MECOM: variants seen among roughly 807,000 people sequenced by gnomAD.
MECOM encodes the protein histone-lysine N-methyltransferase MECOM.
Under a neutral mutation model 116.3 loss-of-function variants are expected in MECOM, and 13 were observed. The observed-to-expected ratio is 0.11, with a 90% CI of 0.07 to 0.18. The LOEUF is 0.18. Among genes scored for constraint, MECOM ranks in the 10% least tolerant of loss-of-function variants. The pLI is 1.00. For missense variants in MECOM, 1,299 were observed against 1,509.0 expected (o/e 0.86, Z 2.31); for synonymous variants, 528 against 535.2 (o/e 0.99, Z 0.19).
chr3:169,472,538 G>GA (rs1749566806), intron 1 of MECOM, among the ~76,000 whole-genome samples: 20 of 48,704 alleles, frequency 4.1e-4, no homozygotes, highest in Non-Finnish European at 5.1e-4. Flanking sequence ...AAAAGAAAAG[G>GA]AAAGGAAAGG....
chr3:169,347,132 ATAC>A (rs1464992899), intron 2 of MECOM, among the ~76,000 whole-genome samples: 1 of 152,064 alleles, frequency 6.6e-6, no homozygotes, highest in African/African-American at 2.4e-5. Context: ...TACTCAGTCT[ATAC>A]TAATGTAAAA....
At chr3:169,217,407 T>C (rs1384847044) in intron 2 of MECOM, among the ~76,000 whole-genome samples, 1 of 152,196 alleles carries the variant, frequency 6.6e-6, no homozygotes, top group African/African-American at 2.4e-5. Context: ...TTCAGAAAGA[T>C]TTTTAAAAAG....
At chr3:169,349,804 A>G (rs903523117) in intron 2 of MECOM, among the ~76,000 whole-genome samples, 1 of 151,958 alleles carries the variant, frequency 6.6e-6, no homozygotes, top group Non-Finnish European at 1.5e-5. Context: ...GCCAATGAAT[A>G]TGAGACAGGG....
At chr3:169,293,021 A>G (rs2149699420) in intron 2 of MECOM, among the ~76,000 whole-genome samples, 1 of 152,182 alleles carries the variant, frequency 6.6e-6, no homozygotes, top group Admixed American at 6.5e-5. Flanking sequence ...CTTATCCAAG[A>G]CCTCAGCTCC....
At chr3:169,348,629 G>T (rs1004075490) in intron 2 of MECOM, among the ~76,000 whole-genome samples, 1 of 151,952 alleles carries the variant, frequency 6.6e-6, no homozygotes, top group Non-Finnish European at 1.5e-5. Flanking sequence ...TTTCATAAGA[G>T]AAGTAAACAT....
At position 169,472,536 on chromosome 3, in the gene MECOM, AGGAAAG is replaced by A. The variant is rs1332667595; in HGVS notation, c.38-91018_38-91013del. Among the ~76,000 whole-genome samples the A allele has an allele frequency of 7.5e-3, 567 of 75,280 alleles. 9 individuals carry two copies. The highest frequency in any genetic ancestry group is 0.02 in the African/African-American group (273 of 13,552). The allele number at this position is 75,280 out of a possible 152,430, so 49.4% of individuals were successfully genotyped here. On this transcript the variant is annotated intron_variant, in intron 1 of 16. Coordinates refer to ENST00000651503, the MANE Select transcript of MECOM (RefSeq NM_004991.4). ...AGGAAAGGAAAGAAAAGAAAAGAAAAGGAAAGGAAAGGAAAAGAAAAGAGAGGAGAG... is the reference window on the plus strand; with the variant it reads ...AGGAAAGGAAAGAAAAGAAAAGAAAAGAAAGGAAAAGAAAAGAGAGGAGAG...
intron 1 of MECOM, among the ~76,000 whole-genome samples, chr3:169,432,075 C>G (rs577540631): frequency 5.3e-5 from 8 of 151,568 alleles, no homozygotes; most frequent in Non-Finnish European, 1.2e-4. Flanking sequence ...GACAACAGTT[C>G]GAGACCTAGT....
intron 1 of MECOM, among the ~76,000 whole-genome samples, chr3:169,526,728 A>ATGTTT (rs1158545979): frequency 6.6e-6 from 1 of 152,060 alleles, no homozygotes; most frequent in Non-Finnish European, 1.5e-5. Context: ...AACTTGTATG[A>ATGTTT]ATATGTGAGT....
At chr3:169,426,481 G>A (rs1161780209) in intron 1 of MECOM, among the ~76,000 whole-genome samples, 2 of 152,186 alleles carry the variant, frequency 1.3e-5, no homozygotes, top group African/African-American at 4.8e-5. Context: ...GCATCGCTGT[G>A]CTCATAGGAG....
intron 2 of MECOM, among the ~76,000 whole-genome samples, chr3:169,227,619 T>C (rs1752894828): frequency 6.6e-6 from 1 of 152,192 alleles, no homozygotes; most frequent in African/African-American, 2.4e-5. Context: ...AGCTAAACCT[T>C]TGCCTTTCCT....
At chr3:169,577,601 T>C (rs1764668699) in intron 1 of MECOM, among the ~76,000 whole-genome samples, 1 of 152,028 alleles carries the variant, frequency 6.6e-6, no homozygotes, top group Non-Finnish European at 1.5e-5. Flanking sequence ...TTAGGCCCCA[T>C]GGAGGTGTTA....
At chr3:169,184,714 C>G (rs1746477471) in intron 2 of MECOM, among the ~76,000 whole-genome samples, 1 of 152,024 alleles carries the variant, frequency 6.6e-6, no homozygotes, top group East Asian at 1.9e-4. Flanking sequence ...CTGCTATGGA[C>G]AACAGGGAGC....
intron 1 of MECOM, among the ~76,000 whole-genome samples, chr3:169,497,357 T>C: frequency 6.6e-6 from 1 of 152,036 alleles, no homozygotes. Context: ...TCTTTTTTTT[T>C]TCTTTTGAGA....
intron 1 of MECOM, among the ~76,000 whole-genome samples, chr3:169,519,851 C>A (rs192707353): frequency 8.5e-5 from 13 of 152,242 alleles, no homozygotes; most frequent in African/African-American, 1.4e-4. Context: ...GATAACCCCC[C>A]CTTGCCCATT....
chr3:169,112,587 C>T (rs924765300), intron 9 of MECOM, among the ~76,000 whole-genome samples, 200 bp downstream of exon 9: 1 of 152,138 alleles, frequency 6.6e-6, no homozygotes, highest in African/African-American at 2.4e-5. Flanking sequence ...ACACTGAAAT[C>T]ATGTTATTTT....
chr3:169,144,362 AAACT>A (rs1315540390), intron 2 of MECOM, among the ~76,000 whole-genome samples: 3 of 152,174 alleles, frequency 2.0e-5, no homozygotes, highest in Non-Finnish European at 4.4e-5. Flanking sequence ...GCTTCCAAAC[AAACT>A]AAAGAAAAAC....
At chr3:169,419,505 C>T (rs763121312) in intron 1 of MECOM, among the ~76,000 whole-genome samples, 2 of 152,096 alleles carry the variant, frequency 1.3e-5, no homozygotes, top group Non-Finnish European at 2.9e-5. Context: ...TACTACAAGG[C>T]TACAGTAACC....
intron 1 of MECOM, chr3:169,477,101 G>GTATATA (rs1560326556): frequency 2.3e-4 from 12 of 51,624 alleles, no homozygotes; most frequent in East Asian, 1.2e-3. Flanking sequence ...GTGTGTGTGT[G>GTATATA]TGTGTATATA....
At chr3:169,455,057 C>T (rs914909847) in intron 1 of MECOM, among the ~76,000 whole-genome samples, 1 of 152,118 alleles carries the variant, frequency 6.6e-6, no homozygotes, top group African/African-American at 2.4e-5. Flanking sequence ...ATATAAAATT[C>T]AGGACATGAC....
Sources: gnomAD v4.1 joint callset for allele counts (sites outside exome capture counted in the v4.1 genomes callset) on GRCh38, gnomAD v4.1.1 for gene constraint, MANE v1.5 for transcripts, NCBI Gene and HGNC (gene_info 2026-07-23, HGNC 2026-07-21) for gene names.